Variants in MAN1A2 observed in about 807,000 individuals in gnomAD.
The protein encoded by MAN1A2 is mannosidase alpha class 1A member 2.
A neutral mutation model predicts 75.7 loss-of-function variants in MAN1A2; 26 were observed. The ratio of observed to expected loss-of-function variants is 0.34; its 90% CI spans 0.25 to 0.48. The LOEUF (loss-of-function observed/expected upper bound fraction) is 0.48. Ranked by LOEUF, MAN1A2 falls within the 20% of genes least tolerant of loss-of-function variation. The pLI, the probability that MAN1A2 is intolerant of heterozygous loss-of-function variation, is 0.99. For synonymous variants in MAN1A2, 247 were observed against 264.6 expected (o/e 0.93, Z 0.65); for missense variants, 562 against 775.5 (o/e 0.72, Z 3.27).
intron 5 of MAN1A2, among the ~76,000 whole-genome samples, chr1:117,426,002 A>G (rs1316524121): frequency 6.6e-6 from 1 of 152,068 alleles, no homozygotes; most frequent in East Asian, 1.9e-4. Flanking sequence ...CATTTTTTAT[A>G]GTATAGGTCT....
At chr1:117,430,070 T>C (rs187251870) in intron 5 of MAN1A2, among the ~76,000 whole-genome samples, 3,716 of 8,818 alleles carry the variant, frequency 0.42, 645 homozygotes, top group Middle Eastern at 0.62. Flanking sequence ...GGCGGCTGGC[T>C]GGGTGGGGGT....
At chr1:117,429,749 G>A (rs1327244231) in intron 5 of MAN1A2, among the ~76,000 whole-genome samples, 22 of 103,620 alleles carry the variant, frequency 2.1e-4, no homozygotes, top group Admixed American at 3.4e-4. Flanking sequence ...GCGGCTGGCC[G>A]GGCGGGGGGC....
chr1:117,515,951 A>G (rs1651702304), intron 12 of MAN1A2: 1 of 152,076 alleles, frequency 6.6e-6, no homozygotes, highest in Non-Finnish European at 1.5e-5. Context: ...AAAAAAATAT[A>G]AGGAAAGCAA....
rs534423574 is a variant in MAN1A2 at position 117,378,313 on chromosome 1, A to G, written c.302+9828A>G. Among the ~76,000 whole-genome samples the G allele has an allele frequency of 2.0e-5, 3 of 152,230 alleles. No homozygotes were observed. The South Asian group carries it at 6.2e-4, about 32-fold the overall frequency. On this transcript the variant is annotated intron_variant, in intron 1 of 12. Coordinates refer to ENST00000356554, the MANE Select transcript of MAN1A2 (RefSeq NM_006699.5). The stretch of plus-strand genomic sequence containing the variant: ...CAGTGCATGGTTTTATATTTCCATA[A>G]CGTGTATTTGTTGATATAAATTATA...
At chr1:117,459,086 A>G (rs953957083) in intron 6 of MAN1A2, among the ~76,000 whole-genome samples, 1 of 152,182 alleles carries the variant, frequency 6.6e-6, no homozygotes, top group Non-Finnish European at 1.5e-5. Flanking sequence ...GGTCATCGCC[A>G]TATAAACATT....
intron 8 of MAN1A2, among the ~76,000 whole-genome samples, chr1:117,485,847 A>G (rs1392396785): frequency 2.0e-5 from 3 of 152,014 alleles, no homozygotes; most frequent in African/African-American, 4.8e-5. Flanking sequence ...CAGTCCCTCA[A>G]TATCCATTCC....
At chr1:117,517,416 C>G (rs1301887895) in intron 12 of MAN1A2, among the ~76,000 whole-genome samples, 1 of 152,078 alleles carries the variant, frequency 6.6e-6, no homozygotes, top group East Asian at 1.9e-4. Context: ...TATGTTCCCT[C>G]TATTCAAAAA....
chr1:117,427,407 C>T (rs74112593), intron 5 of MAN1A2, among the ~76,000 whole-genome samples: 21,477 of 152,106 alleles, frequency 0.14, 1,737 homozygotes, highest in South Asian at 0.22. Flanking sequence ...GGGTGAGAGT[C>T]AGTGAACTTG....
intron 12 of MAN1A2, 143 bp from the exon 13 acceptor site, chr1:117,522,682 G>T: frequency 1.5e-6 from 1 of 677,168 alleles, no homozygotes; most frequent in Non-Finnish European, 2.6e-6. Context: ...AGATCATTTG[G>T]GTGTCTGAGG....
chr1:117,435,830 G>T (rs1304749828), intron 5 of MAN1A2, among the ~76,000 whole-genome samples: 1 of 152,212 alleles, frequency 6.6e-6, no homozygotes. Flanking sequence ...GGCCGAGGCG[G>T]GCGGATCACC....
intron 8 of MAN1A2, among the ~76,000 whole-genome samples, chr1:117,492,833 G>A (rs1394285147): frequency 3.3e-5 from 5 of 151,880 alleles, no homozygotes; most frequent in Admixed American, 1.3e-4. Flanking sequence ...TATATAAAAG[G>A]TAATTATCAA....
chr1:117,401,062 T>G (rs1215036468), intron 1 of MAN1A2, among the ~76,000 whole-genome samples: 2 of 152,148 alleles, frequency 1.3e-5, no homozygotes, highest in South Asian at 2.1e-4. Context: ...TTCTACTTTT[T>G]GTCTCTAGGG....
chr1:117,426,831 C>T (rs1265154146), intron 5 of MAN1A2, among the ~76,000 whole-genome samples: 3 of 152,094 alleles, frequency 2.0e-5, no homozygotes, highest in Non-Finnish European at 1.5e-5. Flanking sequence ...TTAAAAATGT[C>T]ACTACATTAT....
At chr1:117,428,262 A>C (rs1000940176) in intron 5 of MAN1A2, among the ~76,000 whole-genome samples, 1 of 151,920 alleles carries the variant, frequency 6.6e-6, no homozygotes, top group Non-Finnish European at 1.5e-5. Flanking sequence ...CCACAGGTGC[A>C]CGCCACCATG....
In MAN1A2 at chr1:117,524,199, CA is replaced by C. The variant is rs1169898856; in HGVS notation, c.*1243del. 1 of 152,016 alleles carries C rather than the reference CA, an allele frequency of 6.6e-6. No homozygotes were observed. Among genetic ancestry groups the C allele is most frequent in the East Asian group, 1.9e-4 (1 of 5,176 alleles). The allele number at this position is 152,016 out of a possible 1,614,324, so 9.4% of individuals were successfully genotyped here. A position where few individuals can be genotyped will look rare whatever the true frequency, so the allele number is the denominator to read the frequency against. ...GTGATAAAAGAGTGTTGTAATTAATCATATTACACTAAAATTGGGATACATC... is the reference window on the plus strand; with the variant it reads ...GTGATAAAAGAGTGTTGTAATTAATCTATTACACTAAAATTGGGATACATC... On this transcript the variant is annotated 3_prime_UTR_variant, in exon 13 of 13. Transcript: ENST00000356554.
intron 5 of MAN1A2, among the ~76,000 whole-genome samples, chr1:117,423,848 A>G (rs1394041986): frequency 6.6e-6 from 1 of 151,650 alleles, no homozygotes; most frequent in East Asian, 1.9e-4. Context: ...TTGTTGTGCA[A>G]TGTGCAATTG....
chr1:117,461,812 G>A, intron 7 of MAN1A2, among the ~76,000 whole-genome samples: 1 of 152,008 alleles, frequency 6.6e-6, no homozygotes, highest in East Asian at 1.9e-4. Flanking sequence ...TTGATTTATA[G>A]CATAAATTCA....
At chr1:117,437,334 A>C (rs773946379) in intron 5 of MAN1A2, among the ~76,000 whole-genome samples, 41 of 152,220 alleles carry the variant, frequency 2.7e-4, no homozygotes, top group Non-Finnish European at 4.3e-4. Flanking sequence ...CTGACAGTGG[A>C]GTTCTCAGTA....
chr1:117,461,594 T>C (rs1483790439), intron 7 of MAN1A2, among the ~76,000 whole-genome samples: 2 of 152,158 alleles, frequency 1.3e-5, no homozygotes, highest in African/African-American at 2.4e-5. Flanking sequence ...TTTGAAGTGA[T>C]GGATGTTTCA....
Sources: gnomAD v4.1 joint callset for allele counts (sites outside exome capture counted in the v4.1 genomes callset) on GRCh38, gnomAD v4.1.1 for gene constraint, MANE v1.5 for transcripts, NCBI Gene and HGNC (gene_info 2026-07-23, HGNC 2026-07-21) for gene names.